BIN3: variants seen among roughly 807,000 people sequenced by gnomAD.
BIN3 encodes bridging integrator 3.
BIN3 carries 41 observed loss-of-function variants against 38.2 expected under a neutral mutation model. The ratio of observed to expected loss-of-function variants is 1.07; its 90% CI spans 0.84 to 1.39. The LOEUF (loss-of-function observed/expected upper bound fraction) is 1.39, where lower values mean the gene tolerates loss of function less well. Ranked by LOEUF, BIN3 falls within the 40% of genes most tolerant of loss-of-function variation. BIN3 has a pLI of 0.00. For missense variants in BIN3, 361 were observed against 324.3 expected (o/e 1.11, Z -0.87); for synonymous variants, 145 against 122.6 (o/e 1.18, Z -1.21).
At chr8:22,653,225 G>C (rs1392716677) in intron 1 of BIN3, among the ~76,000 whole-genome samples, 1 of 152,190 alleles carries the variant, frequency 6.6e-6, no homozygotes, top group Non-Finnish European at 1.5e-5. Context: ...AAATCCGCCA[G>C]AAATTTAAAT....
chr8:22,663,390 T>C (rs1392451024), intron 1 of BIN3, among the ~76,000 whole-genome samples: 2 of 148,910 alleles, frequency 1.3e-5, no homozygotes, highest in East Asian at 1.9e-4. Context: ...TGAGCTGTAA[T>C]TGCACTACTG....
intron 1 of BIN3, among the ~76,000 whole-genome samples, chr8:22,667,024 T>C (rs966399363): frequency 1.3e-5 from 2 of 152,190 alleles, no homozygotes; most frequent in Non-Finnish European, 2.9e-5. Flanking sequence ...TGTGATTGTG[T>C]GCCCAGGCGC....
chr8:22,658,168 C>T (rs982446870), intron 1 of BIN3, among the ~76,000 whole-genome samples: 1 of 152,188 alleles, frequency 6.6e-6, no homozygotes, highest in African/African-American at 2.4e-5. Context: ...TAAATATGAG[C>T]ACCAGAGGGC....
chr8:22,656,500 T>C (rs1216240579), intron 1 of BIN3, among the ~76,000 whole-genome samples: 1 of 152,220 alleles, frequency 6.6e-6, no homozygotes, highest in Non-Finnish European at 1.5e-5. Context: ...GCTTTCCAGG[T>C]AGACAGTCTT....
chr8:22,624,073 A>G (rs2117497274), intron 7 of BIN3, 24 bp from the exon 8 acceptor site: 1 of 1,609,570 alleles, frequency 6.2e-7, no homozygotes, highest in Non-Finnish European at 8.5e-7. Context: ...CCTGGGTGTC[A>G]AAACTCTCTC....
chr8:22,623,060 C>T (rs780649223), intron 8 of BIN3, among the ~76,000 whole-genome samples: 9 of 152,220 alleles, frequency 5.9e-5, no homozygotes, highest in South Asian at 2.1e-4. Flanking sequence ...GGGCGCCAGA[C>T]GCCCAGCCAC....
chr8:22,621,634 G>T (rs1221874558), intron 8 of BIN3, 66 bp from the exon 9 acceptor site: 3 of 1,499,426 alleles, frequency 2.0e-6, no homozygotes, highest in Admixed American at 3.4e-5. Flanking sequence ...GGGGGCCAGA[G>T]GCTCACACTT....
At chr8:22,631,702 G>A (rs1430833396) in intron 4 of BIN3, among the ~76,000 whole-genome samples, 2 of 152,160 alleles carry the variant, frequency 1.3e-5, no homozygotes, top group East Asian at 1.9e-4. Context: ...ATCCACTGAC[G>A]TTTTTCAAGG....
intron 6 of BIN3, among the ~76,000 whole-genome samples, chr8:22,626,986 C>T (rs1422807287): frequency 1.3e-5 from 2 of 152,148 alleles, no homozygotes; most frequent in Non-Finnish European, 1.5e-5. Flanking sequence ...GTGGTGTCTC[C>T]AGGTGGCCAC....
At chr8:22,654,771 T>C (rs1803005231) in intron 1 of BIN3, among the ~76,000 whole-genome samples, 1 of 152,256 alleles carries the variant, frequency 6.6e-6, no homozygotes, top group Admixed American at 6.5e-5. Flanking sequence ...TTTTGGGTAT[T>C]AATGAATGCT....
In BIN3 at chr8:22,640,726, G is replaced by A. The variant is rs1043927021; in HGVS notation, c.58-3764C>T. Among the ~76,000 whole-genome samples, 9 of 152,036 alleles carry A rather than the reference G, an allele frequency of 5.9e-5. No homozygotes were observed. In the East Asian group the frequency reaches 1.2e-3, roughly 20 times the overall value. ...CCTTTTGCAATCCCCCAAGTGTGCC[G>A]ATGTGTGTGGGATGTCAGACAACAC... On this transcript the variant is annotated intron_variant, in intron 2 of 8. Coordinates refer to ENST00000276416, the MANE Select transcript of BIN3 (RefSeq NM_018688.6).
chr8:22,647,036 G>A (rs987069610), intron 1 of BIN3, among the ~76,000 whole-genome samples: 5 of 152,160 alleles, frequency 3.3e-5, no homozygotes, highest in Non-Finnish European at 7.4e-5. Context: ...CTCTGCCTCC[G>A]ACTCATTTTG....
rs117738532 is a variant in BIN3, at chr8:22,659,148, C to T, written c.8+9896G>A. Among the ~76,000 whole-genome samples, 62 of 152,330 alleles carry T rather than the reference C, an allele frequency of 4.1e-4. 1 individual carries two copies. In the East Asian group the frequency reaches 8.1e-3, roughly 20 times the overall value. On this transcript the variant is annotated intron_variant, in intron 1 of 8. Transcript: ENST00000276416. ...GCTGGTTGGATGCCATCCTCTGTGT[C>T]GGGCCAGCTGGCCACAATGCCAAAG...
In BIN3 at chr8:22,620,464, AAAAC is replaced by A. The variant is rs1585171284; in HGVS notation, c.*954_*957del. The stretch of plus-strand genomic sequence containing the variant: ...TTGTTTTTTAAATAAACCAAAGTCA[AAAAC>A]AAACTGAGAGTGTGTCCTCCACAGC... On this transcript the variant is annotated 3_prime_UTR_variant, in exon 9 of 9. Coordinates refer to ENST00000276416, the MANE Select transcript of BIN3 (RefSeq NM_018688.6). 3 of 145,748 alleles carry A rather than the reference AAAAC, an allele frequency of 2.1e-5. No homozygotes were observed. The highest frequency in any genetic ancestry group is 1.4e-4 in the Admixed American group (2 of 14,092). 9.0% of individuals were successfully genotyped at this position (145,748 alleles called of 1,614,324 possible).
chr8:22,636,777 A>AAC, intron 3 of BIN3, 145 bp downstream of exon 3: 1 of 1,059,318 alleles, frequency 9.4e-7, no homozygotes, highest in South Asian at 1.4e-5. Context: ...ATTGCCAGGG[A>AAC]ACAGTTCCAG....
chr8:22,621,887 C>T (rs956025031), intron 8 of BIN3, among the ~76,000 whole-genome samples: 5 of 152,248 alleles, frequency 3.3e-5, no homozygotes, highest in African/African-American at 1.2e-4. Flanking sequence ...TGGAGTTTTA[C>T]TGCTTTTTGT....
chr8:22,633,094 C>G (rs1026910670), intron 4 of BIN3, among the ~76,000 whole-genome samples: 1 of 152,194 alleles, frequency 6.6e-6, no homozygotes, highest in African/African-American at 2.4e-5. Context: ...CGGCCCTGGG[C>G]AGAACTGGGT....
chr8:22,645,531 G>T (rs550688053), intron 1 of BIN3, among the ~76,000 whole-genome samples: 1 of 151,378 alleles, frequency 6.6e-6, no homozygotes, highest in Admixed American at 6.6e-5. Flanking sequence ...GAAGGGGAGG[G>T]GGAGGAAAGG....
intron 2 of BIN3, among the ~76,000 whole-genome samples, chr8:22,640,147 G>A (rs1802498798): frequency 6.6e-6 from 1 of 151,966 alleles, no homozygotes; most frequent in Non-Finnish European, 1.5e-5. Context: ...ATAGGCGTGA[G>A]CCACTGTGCC....
Sources: allele counts gnomAD v4.1 joint callset (sites outside exome capture counted in the v4.1 genomes callset), GRCh38; gene constraint gnomAD v4.1.1; transcripts MANE v1.5; gene names NCBI Gene and HGNC (gene_info 2026-07-23, HGNC 2026-07-21).